Variants in ZFHX3 observed in about 807,000 individuals in gnomAD.
ZFHX3 encodes the protein zinc finger homeobox 3, also known as zinc finger homeobox protein 3.
Under a neutral mutation model 279.1 loss-of-function variants are expected in ZFHX3, and 42 were observed. That is an observed-to-expected ratio of 0.15 (90% CI 0.12 to 0.19). The LOEUF (loss-of-function observed/expected upper bound fraction) is 0.19. Ranked by LOEUF, ZFHX3 falls within the 10% of genes least tolerant of loss-of-function variation. The pLI is 1.00. For synonymous variants in ZFHX3, 2,293 were observed against 1,957.8 expected (o/e 1.17, Z -4.52); for missense variants, 4,981 against 4,754.0 (o/e 1.05, Z -1.40).
At chr16:73,774,108 T>G (rs911966864) in intron 1 of ZFHX3, among the ~76,000 whole-genome samples, 3 of 152,040 alleles carry the variant, frequency 2.0e-5, no homozygotes, top group Admixed American at 2.0e-4. Context: ...CTAGCCTAGC[T>G]GACAGAGCAA....
At chr16:73,694,820 G>A (rs537842818) in intron 1 of ZFHX3, among the ~76,000 whole-genome samples, 53 of 152,230 alleles carry the variant, frequency 3.5e-4, no homozygotes, top group African/African-American at 1.2e-3. Flanking sequence ...TTATGGTAAC[G>A]AATGCTGGAA....
At position 72,796,039 on chromosome 16, in the gene ZFHX3, G is replaced by A. The variant is rs1172637747; in HGVS notation, c.6643C>T (p.Pro2215Ser). Residue 2215 changes from proline (P) to serine (S), a missense_variant, in exon 9 of 10, where the codon CCT (proline) becomes TCT (serine). Pro to Ser is a moderately conservative substitution (Grantham distance 74, BLOSUM62 -1). Around this residue, in one of 7 missense-constraint regions of ZFHX3, gnomAD observed 177 missense variants for 244.2 expected, o/e 0.72. Coordinates refer to ENST00000268489, the MANE Select transcript of ZFHX3 (RefSeq NM_006885.4). Reference protein sequence around the residue: ...KDSPYNFSNPPITSLEELKID... With the variant: ...KDSPYNFSNPSITSLEELKID... The stretch of plus-strand genomic sequence containing the variant: ...TTGAGCTCCTCCAGGCTGGTGATAG[G>A]AGGATTACTGAAGTTGTAAGGGGAG... 1 of 1,614,176 alleles carries A rather than the reference G, an allele frequency of 6.2e-7. No individual in the cohort carries two copies. Among genetic ancestry groups the A allele is most frequent in the Non-Finnish European group, 8.5e-7 (1 of 1,180,034 alleles).
chr16:73,872,512 G>C (rs551325105), intron 1 of ZFHX3, among the ~76,000 whole-genome samples: 10 of 152,042 alleles, frequency 6.6e-5, no homozygotes, highest in Non-Finnish European at 1.5e-4. Context: ...TGGGATTACA[G>C]GCATGAGCCA....
chr16:72,930,719 C>T (rs944189469), intron 3 of ZFHX3, among the ~76,000 whole-genome samples: 4 of 151,956 alleles, frequency 2.6e-5, no homozygotes, highest in Admixed American at 6.6e-5. Flanking sequence ...AAACCTACTA[C>T]GGAAGAAAAC....
chr16:73,435,857 C>A (rs1011744302), intron 3 of ZFHX3, among the ~76,000 whole-genome samples: 2 of 152,162 alleles, frequency 1.3e-5, no homozygotes, highest in African/African-American at 4.8e-5. Context: ...GAAGCCTGGG[C>A]GGCCTCTGCA....
chr16:73,203,558 A>C (rs182416886), intron 5 of ZFHX3, among the ~76,000 whole-genome samples: 6 of 152,280 alleles, frequency 3.9e-5, no homozygotes, highest in Admixed American at 3.9e-4. Context: ...ATTTATGGAA[A>C]ATTATTTGGT....
intron 5 of ZFHX3, among the ~76,000 whole-genome samples, chr16:73,246,959 G>C (rs187617083): frequency 1.8e-3 from 274 of 152,300 alleles, no homozygotes; most frequent in African/African-American, 5.7e-3. Flanking sequence ...CAGGCACTGA[G>C]TGCCAGTGTG....
intron 8 of ZFHX3, among the ~76,000 whole-genome samples, chr16:73,078,217 T>C (rs760917631): frequency 2.0e-5 from 3 of 152,210 alleles, no homozygotes; most frequent in African/African-American, 4.8e-5. Context: ...CAAATTACAG[T>C]GGCCACAGGA....
chr16:73,586,244 C>G (rs1444627022), intron 2 of ZFHX3, among the ~76,000 whole-genome samples: 5 of 150,830 alleles, frequency 3.3e-5, no homozygotes, highest in Non-Finnish European at 4.4e-5. Context: ...AAAAAATCAG[C>G]TGGGTGTGGT....
intron 2 of ZFHX3, among the ~76,000 whole-genome samples, chr16:73,591,385 C>CAAAA (rs972060872): frequency 6.1e-5 from 9 of 147,596 alleles, no homozygotes; most frequent in Admixed American, 3.4e-4. Context: ...AACAAACAAA[C>CAAAA]AAAAATCCAG....
At position 73,301,776 on chromosome 16, in the gene ZFHX3, G is replaced by C. The variant is rs1200160453; in HGVS notation, c.-1194+16464C>G. On this transcript the variant is annotated intron_variant, in intron 4 of 17. Transcript: ENST00000641206. ...ATTCCAGCTTTTTTTTTTTTTTTGT[G>C]ACAAGCACTCATTTAAGATTCTCTT... Among the ~76,000 whole-genome samples, 5 of 116,386 alleles carry C rather than the reference G, an allele frequency of 4.3e-5. No individual in the cohort carries two copies. The South Asian group carries it at 1.3e-3, about 29-fold the overall frequency. The allele number at this position is 116,386 out of a possible 152,430, so 76.4% of individuals were successfully genotyped here.
chr16:73,603,178 A>G (rs2052140833), intron 2 of ZFHX3, among the ~76,000 whole-genome samples: 1 of 151,514 alleles, frequency 6.6e-6, no homozygotes, highest in South Asian at 2.1e-4. Flanking sequence ...CCAGCTACTC[A>G]GGAGGCTGAG....
At chr16:73,303,963 GAAAAAAAAA>G (rs201865011) in intron 4 of ZFHX3, among the ~76,000 whole-genome samples, 10 of 76,122 alleles carry the variant, frequency 1.3e-4, no homozygotes, top group African/African-American at 3.7e-4. Flanking sequence ...ACCCTAGGTG[GAAAAAAAAA>G]AAAAAAAAAA....
At chr16:73,031,159 GA>G (rs1480009726) in intron 1 of ZFHX3, among the ~76,000 whole-genome samples, 1 of 152,208 alleles carries the variant, frequency 6.6e-6, no homozygotes, top group Non-Finnish European at 1.5e-5. Context: ...TTGGTCTCAA[GA>G]AGCGTAAAGA....
chr16:73,153,122 G>T (rs1597187121), intron 5 of ZFHX3, among the ~76,000 whole-genome samples: 1 of 152,106 alleles, frequency 6.6e-6, no homozygotes, highest in East Asian at 1.9e-4. Flanking sequence ...TACCCCTCCA[G>T]CCCCACCACC....
intron 2 of ZFHX3, among the ~76,000 whole-genome samples, chr16:73,654,609 A>G (rs2052703893): frequency 6.6e-6 from 1 of 152,144 alleles, no homozygotes; most frequent in Non-Finnish European, 1.5e-5. Flanking sequence ...AAAAGGTAAT[A>G]CAGCATGAAT....
chr16:73,887,211 T>C (rs1235007399), intron 1 of ZFHX3, among the ~76,000 whole-genome samples: 3 of 152,150 alleles, frequency 2.0e-5, no homozygotes, highest in African/African-American at 7.2e-5. Flanking sequence ...CAGAGATCTC[T>C]AGCTGTGACA....
At chr16:73,659,935 G>T (rs1017583233) in intron 2 of ZFHX3, among the ~76,000 whole-genome samples, 1 of 152,128 alleles carries the variant, frequency 6.6e-6, no homozygotes, top group African/African-American at 2.4e-5. Flanking sequence ...AGCGAGGTTG[G>T]TCACTGTAAT....
At chr16:73,302,197 CCT>C (rs2015072360) in intron 4 of ZFHX3, among the ~76,000 whole-genome samples, 1 of 152,044 alleles carries the variant, frequency 6.6e-6, no homozygotes, top group African/African-American at 2.4e-5. Context: ...TTCTATTTTT[CCT>C]CTGTCTTGGT....
Sources: gnomAD v4.1 joint callset for allele counts (sites outside exome capture counted in the v4.1 genomes callset) on GRCh38, gnomAD v4.1.1 for gene constraint, gnomAD v4.1.1 regional missense constraint, MANE v1.5 for transcripts, NCBI Gene and HGNC (gene_info 2026-07-23, HGNC 2026-07-21) for gene names.